Variants in ESR1 observed in about 807,000 individuals in gnomAD.
ESR1 encodes estrogen receptor.
Under a neutral mutation model 52.7 loss-of-function variants are expected in ESR1, and 12 were observed. The ratio of observed to expected loss-of-function variants is 0.23; its 90% CI spans 0.15 to 0.37. ESR1 has a LOEUF of 0.37. ESR1 is among the 10% of genes least tolerant of loss of function. The probability of loss-of-function intolerance (pLI) is 1.00; values close to 1 mark genes in which losing one functional copy is unlikely to be tolerated. For missense variants in ESR1, 584 were observed against 779.7 expected (o/e 0.75, Z 2.99); for synonymous variants, 305 against 316.8 (o/e 0.96, Z 0.39).
intron 4 of ESR1, among the ~76,000 whole-genome samples, chr6:151,976,960 T>A (rs1205976845): frequency 6.6e-6 from 1 of 152,054 alleles, no homozygotes; most frequent in Non-Finnish European, 1.5e-5. Context: ...GTTTTTGAAG[T>A]CTTTAAGAAT....
At chr6:151,807,067 G>GA (rs1462859884), upstream of ESR1, 1 of 152,198 alleles carries the variant, frequency 6.6e-6, no homozygotes, top group East Asian at 1.9e-4. Context: ...GTCCTGGCAG[G>GA]TTGCATTCTC....
intron 6 of ESR1, among the ~76,000 whole-genome samples, chr6:152,110,025 T>C (rs1257413710): frequency 6.6e-6 from 1 of 152,210 alleles, no homozygotes; most frequent in Non-Finnish European, 1.5e-5. Context: ...CACCACTTTT[T>C]CAGGTAATCC....
At chr6:152,011,603 A>G in intron 4 of ESR1, 53 bp from the exon 5 acceptor site, 1 of 1,609,268 alleles carries the variant, frequency 6.2e-7, no homozygotes. Flanking sequence ...TAATTTCACC[A>G]GTAATGAGTC....
upstream of ESR1, among the ~76,000 whole-genome samples, chr6:151,800,713 C>T (rs1179395525): frequency 4.6e-5 from 7 of 152,246 alleles, no homozygotes; most frequent in East Asian, 3.9e-4. Flanking sequence ...AACAGTTCTC[C>T]GCACTTAGAA....
At chr6:151,889,608 G>A (rs954250565) in intron 3 of ESR1, among the ~76,000 whole-genome samples, 3 of 151,912 alleles carry the variant, frequency 2.0e-5, no homozygotes, top group Admixed American at 6.6e-5. Flanking sequence ...AAACAAATTC[G>A]TAGTTTCACT....
chr6:151,799,693 A>C (rs1777041639), upstream of ESR1, among the ~76,000 whole-genome samples: 1 of 152,242 alleles, frequency 6.6e-6, no homozygotes, highest in Non-Finnish European at 1.5e-5. Context: ...TATAATGAGA[A>C]TGTTTAGGGA....
At chr6:151,857,046 CTT>C (rs1349932006) in intron 2 of ESR1, among the ~76,000 whole-genome samples, 5 of 152,114 alleles carry the variant, frequency 3.3e-5, no homozygotes, top group African/African-American at 9.7e-5. Context: ...CTTGTAAACA[CTT>C]TGTGTGTGCG....
chr6:151,661,563 A>G (rs571824256), intron 1 of ESR1, among the ~76,000 whole-genome samples: 1 of 152,338 alleles, frequency 6.6e-6, no homozygotes, highest in African/African-American at 2.4e-5. Flanking sequence ...GCACAAACAA[A>G]TATTCAAAAT....
At chr6:151,853,439 G>A (rs927640898) in intron 2 of ESR1, among the ~76,000 whole-genome samples, 5 of 152,098 alleles carry the variant, frequency 3.3e-5, no homozygotes, top group Admixed American at 6.5e-5. Context: ...ACACATGCAC[G>A]CATATATTTG....
At chr6:152,117,380 A>C (rs940539517) in intron 6 of ESR1, among the ~76,000 whole-genome samples, 2 of 152,234 alleles carry the variant, frequency 1.3e-5, no homozygotes, top group African/African-American at 4.8e-5. Context: ...TCTGATGTGA[A>C]TATTCAGCAG....
intron 6 of ESR1, among the ~76,000 whole-genome samples, chr6:152,119,100 T>A (rs1052097053): frequency 6.6e-6 from 1 of 152,202 alleles, no homozygotes; most frequent in African/African-American, 2.4e-5. Context: ...TGGACACGAT[T>A]AGCTTTCATA....
chr6:151,732,391 T>G (rs1199322265), intron 2 of ESR1, among the ~76,000 whole-genome samples: 1 of 152,214 alleles, frequency 6.6e-6, no homozygotes, highest in South Asian at 2.1e-4. Flanking sequence ...CCAATATAAT[T>G]CCAAAGAACT....
At chr6:151,836,157 T>C (rs190019086) in intron 1 of ESR1, among the ~76,000 whole-genome samples, 26 of 152,312 alleles carry the variant, frequency 1.7e-4, no homozygotes, top group African/African-American at 6.3e-4. Flanking sequence ...TTTGAAGAAA[T>C]AATTGATGAA....
chr6:151,900,089 C>T (rs1188216024), intron 3 of ESR1, among the ~76,000 whole-genome samples: 2 of 152,352 alleles, frequency 1.3e-5, no homozygotes. Flanking sequence ...CGCCACTGCA[C>T]TCCAGCCTGG....
At chr6:151,796,206 G>T (rs1159929805) in intron 2 of ESR1, among the ~76,000 whole-genome samples, 1 of 151,438 alleles carries the variant, frequency 6.6e-6, no homozygotes, top group African/African-American at 2.4e-5. Context: ...AAAAAATGAG[G>T]AAGATGTTTA....
chr6:151,941,116 T>C (rs941981918), intron 3 of ESR1, among the ~76,000 whole-genome samples: 3 of 152,200 alleles, frequency 2.0e-5, no homozygotes, highest in Non-Finnish European at 4.4e-5. Flanking sequence ...TTAAAGTACT[T>C]TATTTTGGAA....
chr6:151,856,616 G>A (rs557930918), intron 2 of ESR1, among the ~76,000 whole-genome samples: 36 of 151,988 alleles, frequency 2.4e-4, no homozygotes, highest in Non-Finnish European at 1.0e-4. Flanking sequence ...AGTTCCTCTC[G>A]CCTTCTTTCT....
Position 152,117,085 on chromosome 6 carries a change from T to C in ESR1, c.851-8181T>C, listed in dbSNP as rs539821994. 1.1e-4 allele frequency among the ~76,000 whole-genome samples: 17 copies of C among 152,318 alleles called. No individual in the cohort carries two copies. In the South Asian group the frequency reaches 3.5e-3, roughly 32 times the overall value. On this transcript the variant is annotated intron_variant, in intron 6 of 6. Transcript: ENST00000427531. ...ATTCTTAACAGGTTTCCAGGTAATA[T>C]TGATTCTTTGAGCCACAGGTGAGCC...
At chr6:151,801,888 C>A (rs182447428), upstream of ESR1, among the ~76,000 whole-genome samples, 14 of 152,240 alleles carry the variant, frequency 9.2e-5, no homozygotes, top group Non-Finnish European at 5.9e-5. Context: ...GTAGGAAATG[C>A]GGTACATGCA....
Sources: allele counts gnomAD v4.1 joint callset (sites outside exome capture counted in the v4.1 genomes callset), GRCh38; gene constraint gnomAD v4.1.1; transcripts MANE v1.5; gene names NCBI Gene and HGNC (gene_info 2026-07-23, HGNC 2026-07-21).